The following FECH variants were observed in gnomAD, a reference collection of about 807,000 sequenced individuals.
FECH encodes the protein ferrochelatase, also known as ferrochelatase, mitochondrial.
Under a neutral mutation model 56.9 loss-of-function variants are expected in FECH, and 40 were observed. The ratio of observed to expected loss-of-function variants is 0.70; its 90% CI spans 0.55 to 0.92. The LOEUF (loss-of-function observed/expected upper bound fraction) is 0.92, where lower values mean the gene tolerates loss of function less well. FECH is among the 40% of genes least tolerant of loss of function. FECH has a pLI of 0.00. For synonymous variants in FECH, 175 were observed against 198.6 expected, an observed-to-expected ratio of 0.88 and a Z score of 1.00; for missense variants, 431 against 529.1, an observed-to-expected ratio of 0.81 and a Z score of 1.82.
Position 57,586,673 on chromosome 18 carries a change from G to GGT in FECH, c.-55_-54dup. The GGT allele has an allele frequency of 1.4e-6, 2 of 1,469,276 alleles. No individual in the cohort carries two copies. Among genetic ancestry groups the GGT allele is most frequent in the Non-Finnish European group, 1.8e-6 (2 of 1,110,202 alleles). 91.0% of individuals were successfully genotyped at this position (1,469,276 alleles called of 1,614,324 possible). ...GGCTCCTCCCGCGGCGGCGCGCCCA[G>GGT]GTGTCCGCCCAGCAGTGGCCGAGCC... On this transcript the variant is annotated 5_prime_UTR_variant, in exon 1 of 11. Coordinates refer to ENST00000262093, the MANE Select transcript of FECH (RefSeq NM_000140.5).
At chr18:57,556,843 C>T (rs144255642) in intron 7 of FECH, among the ~76,000 whole-genome samples, 1,663 of 138,756 alleles carry the variant, frequency 0.012, 31 homozygotes, top group African/African-American at 0.042. Context: ...TCTGGTAGGT[C>T]GAGGCTGCAG....
intron 4 of FECH, among the ~76,000 whole-genome samples, 162 bp downstream of exon 4, chr18:57,571,230 A>G (rs910611851): frequency 6.6e-6 from 1 of 152,244 alleles, no homozygotes; most frequent in Non-Finnish European, 1.5e-5. Context: ...AGGTCAAGGG[A>G]TAACGCCTGG....
chr18:57,586,458 TC>T, intron 1 of FECH, 95 bp downstream of exon 1: 4 of 1,332,042 alleles, frequency 3.0e-6, no homozygotes, highest in East Asian at 5.6e-5. Context: ...GCTCCCCGAA[TC>T]CCCCGGGCGC....
chr18:57,549,262 T>C lies in FECH; in HGVS notation c.*1450A>G, dbSNP rs2050762992. Reference sequence around the variant, plus strand: ...GTTTCTTTTCCTGTATTAAAAAAGCTCCTCACATTTAATAATTCTGATTTA... The same window carrying C: ...GTTTCTTTTCCTGTATTAAAAAAGCCCCTCACATTTAATAATTCTGATTTA... On this transcript the variant is annotated 3_prime_UTR_variant, in exon 11 of 11. Transcript: ENST00000262093. The C allele has an allele frequency of 6.6e-6, 1 of 152,144 alleles. No individual in the cohort carries two copies. The allele number at this position is 152,144 out of a possible 1,614,324, so 9.4% of individuals were successfully genotyped here.
At chr18:57,551,855 T>C (rs1421964171) in intron 9 of FECH, among the ~76,000 whole-genome samples, 1 of 152,106 alleles carries the variant, frequency 6.6e-6, no homozygotes, top group Non-Finnish European at 1.5e-5. Flanking sequence ...TGGAACCAAT[T>C]CAGAGTTGGG....
intron 9 of FECH, 52 bp downstream of exon 9, chr18:57,554,208 A>G (rs1378561641): frequency 7.5e-6 from 12 of 1,607,022 alleles, no homozygotes; most frequent in African/African-American, 1.3e-5. Context: ...TGCAGAAAAA[A>G]TTTCCTTTTA....
intron 2 of FECH, among the ~76,000 whole-genome samples, chr18:57,574,513 C>T (rs569245721): frequency 6.6e-6 from 1 of 152,320 alleles, no homozygotes; most frequent in Non-Finnish European, 1.5e-5. Context: ...AGCTCCATAA[C>T]AAGTTTTAGG....
At chr18:57,564,695 A>G (rs1480459480) in intron 5 of FECH, among the ~76,000 whole-genome samples, 1 of 152,262 alleles carries the variant, frequency 6.6e-6, no homozygotes, top group East Asian at 1.9e-4. Flanking sequence ...TTCAAGGTTC[A>G]GAAACAATCT....
At chr18:57,586,181 C>T (rs1408251799) in intron 1 of FECH, among the ~76,000 whole-genome samples, 1 of 152,216 alleles carries the variant, frequency 6.6e-6, no homozygotes, top group Admixed American at 6.5e-5. Flanking sequence ...GATGAAGATG[C>T]CTTCCTTACT....
Position 57,551,360 on chromosome 18 carries a change from G to A in FECH, c.1092C>T (p.Asn364=), listed in dbSNP as rs1313867238. Residue 364 remains asparagine, a synonymous_variant, in exon 10 of 11, where the codon AAC becomes AAT. Transcript: ENST00000262093. ...QVLAKECGVE[N]IRRAESLNGN... ...CATTAAGAGACTCAGCTCTTCTGAT[G>A]TTTTCAACTCCACACTGAATCAAAT... 1.9e-6 allele frequency: 3 copies of A among 1,612,398 alleles called. No individual in the cohort carries two copies. Among genetic ancestry groups the A allele is most frequent in the East Asian group, 4.5e-5 (2 of 44,832 alleles).
At chr18:57,554,519 G>A in intron 8 of FECH, 95 bp from the exon 9 acceptor site, 1 of 1,292,646 alleles carries the variant, frequency 7.7e-7, no homozygotes. Context: ...ACTGCCCACT[G>A]CGGGCAAGAG....
chr18:57,556,521 G>A (rs1430169903), intron 7 of FECH, among the ~76,000 whole-genome samples: 1 of 152,158 alleles, frequency 6.6e-6, no homozygotes, highest in African/African-American at 2.4e-5. Context: ...TGCCAATGAT[G>A]CATCACCGCA....
At chr18:57,566,712 C>G in intron 4 of FECH, 131 bp from the exon 5 acceptor site, 1 of 1,067,800 alleles carries the variant, frequency 9.4e-7, no homozygotes, top group East Asian at 2.6e-5. Flanking sequence ...ACGGTGAAGG[C>G]AAGTTTAGCA....
rs1258498297 is a variant in FECH at position 57,586,568 on chromosome 18, A to G, written c.53T>C (p.Leu18Pro). Residue 18 changes from leucine to proline, a missense_variant, in exon 1 of 11, where the codon CTG becomes CCG. Physicochemically the swap from Leu to Pro is moderately conservative, Grantham distance 98. Coordinates refer to ENST00000262093, the MANE Select transcript of FECH (RefSeq NM_000140.5). ...GACCCACTTACGCGGATCGCGGAGC[A>G]GGACGCCCGCGGCGCGCAGGGCCGC... is the stretch of plus-strand genomic sequence containing the variant. ...MAAALRAAGVLLRDPLASSSW... is the reference protein window; with the variant it reads ...MAAALRAAGVPLRDPLASSSW... 2.6e-6 allele frequency: 4 copies of G among 1,522,198 alleles called. No homozygotes were observed. The highest frequency in any genetic ancestry group is 2.6e-6 in the Non-Finnish European group (3 of 1,141,776). 94.3% of individuals were successfully genotyped at this position (1,522,198 alleles called of 1,614,324 possible). A position where few individuals can be genotyped will look rare whatever the true frequency, so the allele number is the denominator to read the frequency against.
intron 9 of FECH, among the ~76,000 whole-genome samples, chr18:57,552,292 T>C (rs1332578403): frequency 6.6e-6 from 1 of 152,150 alleles, no homozygotes; most frequent in Non-Finnish European, 1.5e-5. Flanking sequence ...TAACTGAAAA[T>C]GGTCTAATTA....
At chr18:57,563,604 A>AAAAAAAAAAAAAAAT (rs2050976313) in intron 5 of FECH, among the ~76,000 whole-genome samples, 1 of 149,300 alleles carries the variant, frequency 6.7e-6, no homozygotes, top group Non-Finnish European at 1.5e-5. Flanking sequence ...AAAAAAAAAA[A>AAAAAAAAAAAAAAAT]GTATGTTATT....
At chr18:57,583,490 T>C (rs953311042) in intron 1 of FECH, among the ~76,000 whole-genome samples, 3 of 152,382 alleles carry the variant, frequency 2.0e-5, no homozygotes, top group African/African-American at 7.2e-5. Flanking sequence ...TCTGCAGGGC[T>C]GCTGTGAAGA....
At chr18:57,555,875 T>C (rs1047479449) in intron 7 of FECH, among the ~76,000 whole-genome samples, 3 of 152,226 alleles carry the variant, frequency 2.0e-5, no homozygotes, top group African/African-American at 7.2e-5. Flanking sequence ...ACGCCTGTAA[T>C]CCCAGCACTT....
chr18:57,551,887 CT>C (rs201249549), intron 9 of FECH, among the ~76,000 whole-genome samples: 253 of 141,276 alleles, frequency 1.8e-3, no homozygotes, highest in Admixed American at 2.1e-3. Flanking sequence ...ATTCTTTTTT[CT>C]TTTTTTTTTT....
Sources: gnomAD v4.1 joint callset for allele counts (sites outside exome capture counted in the v4.1 genomes callset) on GRCh38, gnomAD v4.1.1 for gene constraint, MANE v1.5 for transcripts, NCBI Gene and HGNC (gene_info 2026-07-23, HGNC 2026-07-21) for gene names.